Variants in NRXN3 observed in about 807,000 individuals in gnomAD.
The protein encoded by NRXN3 is neurexin 3.
NRXN3 carries 32 observed loss-of-function variants against 137.6 expected under a neutral mutation model. That is an observed-to-expected ratio of 0.23 (90% CI 0.18 to 0.31). The LOEUF is 0.31. Ranked by LOEUF, NRXN3 falls within the 10% of genes least tolerant of loss-of-function variation. The pLI, the probability that NRXN3 is intolerant of heterozygous loss-of-function variation, is 1.00. For synonymous variants in NRXN3, 798 were observed against 784.5 expected, an observed-to-expected ratio of 1.02 and a Z score of -0.29; for missense variants, 1,574 against 2,062.5, an observed-to-expected ratio of 0.76 and a Z score of 4.59.
chr14:78,909,539 TGA>T (rs1236006478), intron 10 of NRXN3, among the ~76,000 whole-genome samples: 1 of 152,156 alleles, frequency 6.6e-6, no homozygotes, highest in Admixed American at 6.6e-5. Context: ...GGCAATTATG[TGA>T]GAGTTTTGGT....
intron 4 of NRXN3, among the ~76,000 whole-genome samples, chr14:78,472,427 C>G (rs1389392832): frequency 6.6e-6 from 1 of 152,206 alleles, no homozygotes; most frequent in African/African-American, 2.4e-5. Flanking sequence ...GCTACCTATC[C>G]TCTCTACCAA....
intron 4 of NRXN3, among the ~76,000 whole-genome samples, chr14:78,468,528 G>A (rs1385808082): frequency 6.6e-6 from 1 of 152,148 alleles, no homozygotes; most frequent in Non-Finnish European, 1.5e-5. Flanking sequence ...GGAAAGAAAT[G>A]GATAAGTGCA....
intron 16 of NRXN3, among the ~76,000 whole-genome samples, chr14:79,551,435 G>T (rs1275298237): frequency 6.6e-6 from 1 of 152,170 alleles, no homozygotes; most frequent in Non-Finnish European, 1.5e-5. Flanking sequence ...TTATGTTAAT[G>T]GATTCGGTGG....
At chr14:79,227,800 CCCTTCCTCCCTCCCTTCCTCCCTT>C (rs1767189879) in intron 15 of NRXN3, among the ~76,000 whole-genome samples, 2 of 122,818 alleles carry the variant, frequency 1.6e-5, no homozygotes, top group Admixed American at 8.3e-5. Flanking sequence ...CTCCCTTCCT[CCCTTCCTCCCTCCCTTCCTCCCTT>C]CCTCCCTTCC....
intron 4 of NRXN3, among the ~76,000 whole-genome samples, chr14:78,307,813 A>T (rs940685721): frequency 2.0e-5 from 3 of 152,172 alleles, no homozygotes; most frequent in Admixed American, 2.0e-4. Flanking sequence ...ATCTTGACAT[A>T]ATAACAATCA....
chr14:78,544,929 A>G (rs1850775343), intron 4 of NRXN3, among the ~76,000 whole-genome samples: 2 of 152,208 alleles, frequency 1.3e-5, no homozygotes, highest in Non-Finnish European at 1.5e-5. Flanking sequence ...AGATTCTGGG[A>G]ATAAACAGGA....
At chr14:78,978,742 A>G (rs2153039342) in intron 14 of NRXN3, among the ~76,000 whole-genome samples, 1 of 147,908 alleles carries the variant, frequency 6.8e-6, no homozygotes, top group East Asian at 2.0e-4. Flanking sequence ...TATTATTTAG[A>G]TATATACATC....
At chr14:79,603,804 A>G (rs1236962196) in intron 16 of NRXN3, among the ~76,000 whole-genome samples, 1 of 152,220 alleles carries the variant, frequency 6.6e-6, no homozygotes, top group African/African-American at 2.4e-5. Flanking sequence ...AGAGTTTACT[A>G]TGCTCCATGA....
intron 4 of NRXN3, chr14:78,526,799 G>T (rs1176952642): frequency 3.9e-6 from 2 of 515,440 alleles, no homozygotes; most frequent in Non-Finnish European, 7.7e-6. Flanking sequence ...AATAAACAGC[G>T]ATGAATAAAG....
At chr14:79,727,283 G>T (rs2098896176) in intron 19 of NRXN3, among the ~76,000 whole-genome samples, 1 of 152,162 alleles carries the variant, frequency 6.6e-6, no homozygotes, top group Non-Finnish European at 1.5e-5. Context: ...CCGGTAAATT[G>T]CAGTTTGAAT....
chr14:78,535,688 T>G (rs867570535), intron 4 of NRXN3, among the ~76,000 whole-genome samples: 1 of 152,210 alleles, frequency 6.6e-6, no homozygotes, highest in Non-Finnish European at 1.5e-5. Context: ...CTTAGACACT[T>G]AAATCCTGTA....
intron 2 of NRXN3, among the ~76,000 whole-genome samples, chr14:78,275,159 C>T (rs1314913586): frequency 6.6e-6 from 1 of 152,216 alleles, no homozygotes; most frequent in African/African-American, 2.4e-5. Flanking sequence ...AATGGGGATA[C>T]TCTGCTGGCA....
chr14:78,988,211 A>G, intron 15 of NRXN3, 70 bp downstream of exon 15: 1 of 1,573,556 alleles, frequency 6.4e-7, no homozygotes, highest in Non-Finnish European at 8.7e-7. Context: ...CTTAAAGGAC[A>G]ATATGTAAAA....
At chr14:79,078,512 C>G (rs2046354270) in intron 15 of NRXN3, among the ~76,000 whole-genome samples, 1 of 152,120 alleles carries the variant, frequency 6.6e-6, no homozygotes, top group Non-Finnish European at 1.5e-5. Context: ...TAACTCTATC[C>G]ATGCATGAGG....
chr14:78,878,902 G>A (rs947692161), intron 10 of NRXN3, among the ~76,000 whole-genome samples: 1 of 151,818 alleles, frequency 6.6e-6, no homozygotes, highest in African/African-American at 2.4e-5. Context: ...ACTCTCTCCT[G>A]CTATGAGTTT....
chr14:78,501,794 G>T (rs2095880874), intron 4 of NRXN3, among the ~76,000 whole-genome samples: 1 of 152,106 alleles, frequency 6.6e-6, no homozygotes, highest in Admixed American at 6.6e-5. Context: ...AGAGATTGGG[G>T]GCAGGGGGTG....
chr14:78,912,360 T>A (rs1033684280), intron 10 of NRXN3, among the ~76,000 whole-genome samples: 1 of 151,176 alleles, frequency 6.6e-6, no homozygotes, highest in African/African-American at 2.4e-5. Context: ...AGAGAAGCAA[T>A]CAGTTCTTAC....
chr14:79,089,309 C>T, intron 15 of NRXN3, among the ~76,000 whole-genome samples: 1 of 151,914 alleles, frequency 6.6e-6, no homozygotes, highest in East Asian at 1.9e-4. Context: ...CTTTGAGCTC[C>T]CGAGAATGCT....
At chr14:79,502,329 G>A (rs2096833461) in intron 16 of NRXN3, among the ~76,000 whole-genome samples, 1 of 152,152 alleles carries the variant, frequency 6.6e-6, no homozygotes, top group Admixed American at 6.5e-5. Flanking sequence ...AGTGCAGACA[G>A]AGGGCAGACC....
Sources: gnomAD v4.1 joint callset for allele counts (sites outside exome capture counted in the v4.1 genomes callset) on GRCh38, gnomAD v4.1.1 for gene constraint, MANE v1.5 for transcripts, NCBI Gene and HGNC (gene_info 2026-07-23, HGNC 2026-07-21) for gene names.